Variants in C4BPB observed in about 807,000 individuals in gnomAD.
The protein encoded by C4BPB is C4b-binding protein beta chain.
C4BPB carries 19 observed loss-of-function variants against 26.6 expected under a neutral mutation model. The observed-to-expected ratio is 0.71, with a 90% confidence interval of 0.50 to 1.05. The LOEUF (loss-of-function observed/expected upper bound fraction) is 1.05. Among genes scored for constraint, C4BPB ranks in the 50% least tolerant of loss-of-function variants. C4BPB has a pLI of 0.00. For synonymous variants in C4BPB, 118 were observed against 103.5 expected (o/e 1.14, Z -0.85); for missense variants, 282 against 302.9 (o/e 0.93, Z 0.51).
At chr1:207,096,365 T>G (rs1684248665) in intron 4 of C4BPB, 157 bp from the exon 5 acceptor site, 1 of 636,712 alleles carries the variant, frequency 1.6e-6, no homozygotes, top group Non-Finnish European at 2.8e-6. Flanking sequence ...AGAACAGGTT[T>G]CCAGATCCCG....
intron 5 of C4BPB, 94 bp from the exon 6 acceptor site, chr1:207,098,056 A>G (rs1027800874): frequency 3.2e-6 from 3 of 925,850 alleles, no homozygotes; most frequent in Non-Finnish European, 5.2e-6. Context: ...ATTCCATCAC[A>G]GCATGAAATA....
intron 4 of C4BPB, among the ~76,000 whole-genome samples, chr1:207,093,497 G>A (rs1404005538): frequency 6.6e-6 from 1 of 152,134 alleles, no homozygotes; most frequent in East Asian, 1.9e-4. Flanking sequence ...GTACATATAA[G>A]TAGAACAGAT....
In C4BPB at chr1:207,099,792, G is replaced by A; in HGVS notation, c.622G>A (p.Ala208Thr). 1 of 1,608,742 alleles carries A rather than the reference G, an allele frequency of 6.2e-7. No individual in the cohort carries two copies. The highest frequency in any genetic ancestry group is 8.5e-7 in the Non-Finnish European group (1 of 1,178,534). ...PKPECEKALLAFQESKNLCEA... is the reference protein window; with the variant it reads ...PKPECEKALLTFQESKNLCEA... Reference sequence around the variant, plus strand: ...GTGAAAAATTTTCTTTCTTCAGCTTGCCTTTCAGGAGAGTAAGAACCTCTG... The same window carrying A: ...GTGAAAAATTTTCTTTCTTCAGCTTACCTTTCAGGAGAGTAAGAACCTCTG... The change falls in exon 7 of 7, where the codon GCC (alanine) becomes ACC (threonine). Residue 208 changes from alanine (A) to threonine (T), a missense_variant. Coordinates refer to ENST00000367078, the MANE Select transcript of C4BPB (RefSeq NM_001017365.3).
At chr1:207,095,943 C>T (rs1684233747) in intron 4 of C4BPB, 1 of 170,802 alleles carries the variant, frequency 5.9e-6, no homozygotes, top group Non-Finnish European at 1.3e-5. Context: ...CCGAGGCCTC[C>T]CCAGAAGCCG....
intron 3 of C4BPB, among the ~76,000 whole-genome samples, chr1:207,090,720 T>C (rs903090764): frequency 1.3e-5 from 2 of 152,038 alleles, no homozygotes; most frequent in South Asian, 4.1e-4. Context: ...AAAGAAATAA[T>C]TTCTTCCAGA....
rs566231028 is a variant in C4BPB, at chr1:207,090,003, G to A, written c.59-305G>A. Among the ~76,000 whole-genome samples, 7 of 152,304 alleles carry A rather than the reference G, an allele frequency of 4.6e-5. No homozygotes were observed. In the South Asian group the frequency reaches 1.2e-3, roughly 27 times the overall value. Reference sequence around the variant, plus strand: ...CTTCGGAATTCCGGCCGGGCGCAGCGGCTCAAGCCTGTAATCCCGGCACTT... The same window carrying A: ...CTTCGGAATTCCGGCCGGGCGCAGCAGCTCAAGCCTGTAATCCCGGCACTT... On this transcript the variant is annotated intron_variant, in intron 2 of 6. Transcript: ENST00000367078.
chr1:207,095,544 G>T (rs1213418388), intron 4 of C4BPB: 2 of 398,348 alleles, frequency 5.0e-6, no homozygotes, highest in Non-Finnish European at 1.0e-5. Flanking sequence ...GGCCAGGCTG[G>T]TCTCAAATTC....
At chr1:207,091,424 G>A (rs1172513393) in intron 3 of C4BPB, among the ~76,000 whole-genome samples, 1 of 152,136 alleles carries the variant, frequency 6.6e-6, no homozygotes, top group Non-Finnish European at 1.5e-5. Context: ...AATTCATGTT[G>A]TTCTTGTGCA....
chr1:207,098,959 A>T (rs1014009264), intron 6 of C4BPB, among the ~76,000 whole-genome samples: 3 of 147,892 alleles, frequency 2.0e-5, no homozygotes, highest in African/African-American at 2.5e-5. Context: ...AGGCATTAGA[A>T]TCTCATCTGG....
At chr1:207,090,508 C>A (rs763065272) in intron 3 of C4BPB, 27 bp downstream of exon 3, 2 of 1,567,368 alleles carry the variant, frequency 1.3e-6, no homozygotes, top group East Asian at 4.7e-5. Context: ...TGTATCTTTG[C>A]CCATATTGAT....
intron 5 of C4BPB, among the ~76,000 whole-genome samples, chr1:207,097,357 C>CATGGGTCA (rs1684292969): frequency 6.6e-6 from 1 of 151,440 alleles, no homozygotes; most frequent in African/African-American, 2.4e-5. Context: ...GGACTACAGG[C>CATGGGTCA]ATGGGTCACC....
intron 2 of C4BPB, among the ~76,000 whole-genome samples, chr1:207,089,873 T>C (rs1176697287): frequency 6.6e-6 from 1 of 152,230 alleles, no homozygotes; most frequent in Non-Finnish European, 1.5e-5. Context: ...GTCTTACTTG[T>C]TATAAACTCC....
intron 4 of C4BPB, among the ~76,000 whole-genome samples, chr1:207,093,848 G>A (rs1039653184): frequency 3.9e-5 from 6 of 152,012 alleles, no homozygotes; most frequent in Non-Finnish European, 5.9e-5. Context: ...GATGGTTAAA[G>A]AGTTAATGTT....
Position 207,089,492 on chromosome 1 carries a change from T to C in C4BPB, c.-40T>C. 1 of 1,598,318 alleles carries C rather than the reference T, an allele frequency of 6.3e-7. No homozygotes were observed. The highest frequency in any genetic ancestry group is 8.6e-7 in the Non-Finnish European group (1 of 1,165,532). ...TTTTTTTCAAACCAGGTGTCTGAGCTGGGTGAATTCCAGCCTGGGGAGAGG... is the reference window on the plus strand; with the variant it reads ...TTTTTTTCAAACCAGGTGTCTGAGCCGGGTGAATTCCAGCCTGGGGAGAGG... On this transcript the variant is annotated 5_prime_UTR_variant, in exon 2 of 7. Transcript: ENST00000367078.
Position 207,094,874 on chromosome 1 carries a change from G to A in C4BPB, c.410-1648G>A, listed in dbSNP as rs748252310. 5 of 163,014 alleles carry A rather than the reference G, an allele frequency of 3.1e-5. 1 individual carries two copies. The Middle Eastern group carries it at 9.7e-3, about 318-fold the overall frequency. 10.1% of individuals were successfully genotyped at this position (163,014 alleles called of 1,614,324 possible). A position where few individuals can be genotyped will look rare whatever the true frequency, so the allele number is the denominator to read the frequency against. Reference sequence around the variant, plus strand: ...TAGAAAAATATAGAAAATAAAAGACGAAACCAATTACATACAAGCCATCTA... The same window carrying A: ...TAGAAAAATATAGAAAATAAAAGACAAAACCAATTACATACAAGCCATCTA... On this transcript the variant is annotated intron_variant, in intron 4 of 6. Transcript: ENST00000367078.
intron 4 of C4BPB, chr1:207,095,286 C>T: frequency 2.2e-6 from 1 of 456,632 alleles, no homozygotes; most frequent in South Asian, 1.5e-5. Flanking sequence ...GCTTTCTTTC[C>T]ACAGTTCCAC....
At chr1:207,097,988 T>C in intron 5 of C4BPB, 162 bp from the exon 6 acceptor site, 3 of 593,732 alleles carry the variant, frequency 5.1e-6, no homozygotes, top group South Asian at 4.2e-5. Context: ...TACTTTGAAC[T>C]GCTTTGTAAT....
At position 207,091,722 on chromosome 1, in the gene C4BPB, C is replaced by T. The variant is rs754303721; in HGVS notation, c.311C>T (p.Thr104Met). 60 of 1,613,784 alleles carry T rather than the reference C, an allele frequency of 3.7e-5. No homozygotes were observed. Among genetic ancestry groups the T allele is most frequent in the Non-Finnish European group, 4.2e-5 (50 of 1,179,878 alleles). Residue 104 changes from threonine (T) to methionine (M), a missense_variant, in exon 4 of 7, where the codon ACG becomes ATG. By Grantham distance (81) the Thr-to-Met change is moderately conservative. Coordinates refer to ENST00000367078, the MANE Select transcript of C4BPB (RefSeq NM_001017365.3). ...SGPVNVSDKI[T>M]FMCNDHYILK... ...CCTGTGAATGTAAGTGACAAAATCA[C>T]GTTTATGTGCAATGACCACTACATC...
intron 4 of C4BPB, 176 bp downstream of exon 4, chr1:207,091,996 A>C: frequency 1.8e-6 from 1 of 564,166 alleles, no homozygotes; most frequent in Non-Finnish European, 3.1e-6. Flanking sequence ...ACCTCAAGAG[A>C]ATACATTCCA....
Sources: allele counts gnomAD v4.1 joint callset (sites outside exome capture counted in the v4.1 genomes callset), GRCh38; gene constraint gnomAD v4.1.1; transcripts MANE v1.5; gene names NCBI Gene and HGNC (gene_info 2026-07-23, HGNC 2026-07-21).